Variants in FAM168A observed in about 807,000 individuals in gnomAD.
FAM168A encodes protein FAM168A.
In FAM168A, 3 loss-of-function variants were observed where a neutral mutation model predicts 28.5. That is an observed-to-expected ratio of 0.11 (90% CI 0.05 to 0.27). The LOEUF is 0.27. Ranked by LOEUF, FAM168A falls within the 10% of genes least tolerant of loss-of-function variation. The pLI, the probability that FAM168A is intolerant of heterozygous loss-of-function variation, is 1.00. For synonymous variants in FAM168A, 122 were observed against 124.2 expected (o/e 0.98, Z 0.12); for missense variants, 222 against 311.5 (o/e 0.71, Z 2.16).
chr11:73,526,084 T>C (rs1040490016), intron 1 of FAM168A, among the ~76,000 whole-genome samples: 1 of 152,116 alleles, frequency 6.6e-6, no homozygotes, highest in Non-Finnish European at 1.5e-5. Flanking sequence ...CAAAGTTTCA[T>C]AAATAAAAAT....
Position 73,409,540 on chromosome 11 carries a change from G to C in FAM168A, c.542C>G (p.Thr181Ser). Reference protein sequence around the residue: ...IYPAPVAAPRTNGVAMGMVAG... With the variant: ...IYPAPVAAPRSNGVAMGMVAG... The stretch of plus-strand genomic sequence containing the variant: ...CACCATGCCCATGGCCACACCGTTG[G>C]TCCTCGGGGCGGCAACAGGTGCTGG... Residue 181 changes from threonine (T) to serine (S), a missense_variant, in exon 6 of 8, where the codon ACC becomes AGC. Coordinates refer to ENST00000356467, the MANE Select transcript of FAM168A (RefSeq NM_015159.3). 6.2e-7 allele frequency: 1 copy of C among 1,614,024 alleles called. No homozygotes were observed. Among genetic ancestry groups the C allele is most frequent in the Non-Finnish European group, 8.5e-7 (1 of 1,179,932 alleles).
rs563671413 is a variant in FAM168A at position 73,405,302 on chromosome 11, G to T, written c.*1461C>A. ...TGCCATCCGCCCCCATGTAGCCTCT[G>T]CCCAGTCTTCAACCCCCGCCTTTGG... On this transcript the variant is annotated 3_prime_UTR_variant, in exon 8 of 8. Coordinates refer to ENST00000356467, the MANE Select transcript of FAM168A (RefSeq NM_015159.3). The T allele has an allele frequency of 1.3e-5, 2 of 152,320 alleles. No homozygotes were observed. Among genetic ancestry groups the T allele is most frequent in the African/African-American group, 4.8e-5 (2 of 41,538 alleles). The allele number at this position is 152,320 out of a possible 1,614,324, so 9.4% of individuals were successfully genotyped here. A position where few individuals can be genotyped will look rare whatever the true frequency, so the allele number is the denominator to read the frequency against.
chr11:73,527,836 C>T (rs981163537), intron 1 of FAM168A, among the ~76,000 whole-genome samples: 5 of 151,946 alleles, frequency 3.3e-5, no homozygotes, highest in African/African-American at 1.2e-4. Flanking sequence ...GTGACACATA[C>T]AGGCTCTTTC....
In FAM168A at chr11:73,415,384, C is replaced by G. The variant is rs180793284; in HGVS notation, c.278-3848G>C. On this transcript the variant is annotated intron_variant, in intron 4 of 7. Transcript: ENST00000356467. ...GGGATCTAAGACTCAGTGCTACTTC[C>G]TCTAACCACAGTGGTTCTCAAGGTT... is the stretch of plus-strand genomic sequence containing the variant. 2.6e-5 allele frequency among the ~76,000 whole-genome samples: 4 copies of G among 152,328 alleles called. No individual in the cohort carries two copies. In the East Asian group the frequency reaches 7.7e-4, roughly 29 times the overall value.
intron 1 of FAM168A, among the ~76,000 whole-genome samples, chr11:73,482,181 CTTTTTTTTTT>C (rs55882143): frequency 3.9e-5 from 3 of 77,554 alleles, no homozygotes; most frequent in African/African-American, 1.4e-4. Context: ...ATCCAACAGC[CTTTTTTTTTT>C]TTTTTTTTTT....
At chr11:73,530,971 C>T (rs1248626423) in intron 1 of FAM168A, among the ~76,000 whole-genome samples, 1 of 152,060 alleles carries the variant, frequency 6.6e-6, no homozygotes, top group Non-Finnish European at 1.5e-5. Flanking sequence ...TGCATCTGGG[C>T]TCTATGTTGG....
Position 73,403,270 on chromosome 11 carries a change from A to G in FAM168A, c.*3493T>C, listed in dbSNP as rs762882311. The G allele has an allele frequency of 1.1e-4, 17 of 152,202 alleles. No individual in the cohort carries two copies. Among genetic ancestry groups the G allele is most frequent in the Middle Eastern group, 3.2e-3 (1 of 316 alleles). The allele number at this position is 152,202 out of a possible 1,614,324, so 9.4% of individuals were successfully genotyped here. A position where few individuals can be genotyped will look rare whatever the true frequency, so the allele number is the denominator to read the frequency against. ...TTTTTTCAAAACATGGCAAACCATT[A>G]TGTTTCAGGCTTTCACTATTTGCAG... On this transcript the variant is annotated 3_prime_UTR_variant, in exon 8 of 8. Coordinates refer to ENST00000356467, the MANE Select transcript of FAM168A (RefSeq NM_015159.3).
chr11:73,407,911 G>T (rs147372185), intron 6 of FAM168A, among the ~76,000 whole-genome samples: 234 of 152,218 alleles, frequency 1.5e-3, no homozygotes, highest in Middle Eastern at 0.01. Context: ...TCGCTCTGTC[G>T]CCCAGGCTGG....
chr11:73,554,213 A>G (rs1387132814), intron 1 of FAM168A, among the ~76,000 whole-genome samples: 1 of 151,946 alleles, frequency 6.6e-6, no homozygotes, highest in Admixed American at 6.6e-5. Context: ...CATCTCCACA[A>G]AAAACAAAAT....
At chr11:73,482,534 G>A (rs962742426) in intron 1 of FAM168A, among the ~76,000 whole-genome samples, 8 of 151,758 alleles carry the variant, frequency 5.3e-5, no homozygotes, top group African/African-American at 1.9e-4. Context: ...AGAAATACAG[G>A]TGTTTGTTGA....
chr11:73,596,738 C>T (rs1249831093), intron 1 of FAM168A, among the ~76,000 whole-genome samples: 2 of 152,214 alleles, frequency 1.3e-5, no homozygotes, highest in East Asian at 1.9e-4. Context: ...CAATTCCCCC[C>T]TGCTCTCCAG....
intron 2 of FAM168A, among the ~76,000 whole-genome samples, chr11:73,467,973 C>T (rs182799241): frequency 4.3e-4 from 65 of 152,256 alleles, no homozygotes; most frequent in Middle Eastern, 3.4e-3. Flanking sequence ...TTATATCAGG[C>T]TGAAACTCCA....
chr11:73,573,715 G>T (rs1309584227), intron 1 of FAM168A, among the ~76,000 whole-genome samples: 2 of 152,120 alleles, frequency 1.3e-5, no homozygotes, highest in African/African-American at 4.8e-5. Context: ...AAGACAGGAG[G>T]TTGGCTGGAA....
At chr11:73,566,706 A>G (rs1314015944) in intron 1 of FAM168A, among the ~76,000 whole-genome samples, 2 of 152,232 alleles carry the variant, frequency 1.3e-5, no homozygotes, top group Non-Finnish European at 2.9e-5. Context: ...TACTCATTCA[A>G]GCAATTACAG....
rs992174890 is a variant in FAM168A at position 73,403,375 on chromosome 11, A to C, written c.*3388T>G. The C allele has an allele frequency of 6.6e-6, 1 of 152,184 alleles. No individual in the cohort carries two copies. The highest frequency in any genetic ancestry group is 1.5e-5 in the Non-Finnish European group (1 of 68,032). 9.4% of individuals were successfully genotyped at this position (152,184 alleles called of 1,614,324 possible). ...GTCAGGTAGAAGTAGAAGAATTCAA[A>C]AGGGTTGGCTGGTAACGAGCCATCT... On this transcript the variant is annotated 3_prime_UTR_variant, in exon 8 of 8. Transcript: ENST00000356467.
intron 3 of FAM168A, among the ~76,000 whole-genome samples, chr11:73,421,196 A>G (rs1415517396): frequency 6.6e-6 from 1 of 152,112 alleles, no homozygotes; most frequent in Non-Finnish European, 1.5e-5. Flanking sequence ...AAGTATGCCT[A>G]TACACTCTCT....
At chr11:73,407,921 G>C (rs528086150) in intron 6 of FAM168A, among the ~76,000 whole-genome samples, 2 of 152,336 alleles carry the variant, frequency 1.3e-5, no homozygotes, top group East Asian at 1.9e-4. Flanking sequence ...GCCCAGGCTG[G>C]AGTGCAATGG....
intron 4 of FAM168A, among the ~76,000 whole-genome samples, chr11:73,413,149 T>C (rs1430815460): frequency 1.3e-5 from 2 of 152,100 alleles, no homozygotes; most frequent in Non-Finnish European, 2.9e-5. Context: ...ACATCACACC[T>C]CTTTGGCTTA....
intron 1 of FAM168A, among the ~76,000 whole-genome samples, chr11:73,594,473 T>C (rs998485557): frequency 2.6e-5 from 4 of 152,116 alleles, no homozygotes; most frequent in Admixed American, 2.0e-4. Context: ...TACAATTCAG[T>C]GGTATTAACT....
Sources: gnomAD v4.1 joint callset for allele counts (sites outside exome capture counted in the v4.1 genomes callset) on GRCh38, gnomAD v4.1.1 for gene constraint, MANE v1.5 for transcripts, NCBI Gene and HGNC (gene_info 2026-07-23, HGNC 2026-07-21) for gene names.